DIAPH2: variants seen among roughly 807,000 people sequenced by gnomAD.
DIAPH2 encodes protein diaphanous homolog 2.
Under a neutral mutation model 92.7 loss-of-function variants are expected in DIAPH2, and 35 were observed. The observed-to-expected ratio is 0.38, with a 90% confidence interval of 0.29 to 0.50. The LOEUF is 0.50. Ranked by LOEUF, DIAPH2 falls within the 20% of genes least tolerant of loss-of-function variation. The probability of loss-of-function intolerance (pLI) is 0.94; values close to 1 mark genes in which losing one functional copy is unlikely to be tolerated. For missense variants in DIAPH2, 701 were observed against 819.5 expected, an observed-to-expected ratio of 0.86 and a Z score of 1.77; for synonymous variants, 301 against 280.4, an observed-to-expected ratio of 1.07 and a Z score of -0.73.
intron 26 of DIAPH2, among the ~76,000 whole-genome samples, chrX:97,589,084 G>T (rs2071499435): frequency 1.1e-5 from 1 of 90,344 alleles, no homozygotes; most frequent in Non-Finnish European, 2.2e-5. Context: ...TTGGGAGGCT[G>T]AGGTGGGTGG....
At chrX:96,946,233 T>A (rs2065737643) in intron 14 of DIAPH2, among the ~76,000 whole-genome samples, 1 of 111,873 alleles carries the variant, frequency 8.9e-6, no homozygotes, top group Non-Finnish European at 1.9e-5. Flanking sequence ...AAGCTTGTCT[T>A]TTCCTTGTTT....
chrX:97,552,785 A>C (rs2071229698), intron 26 of DIAPH2, among the ~76,000 whole-genome samples: 1 of 112,025 alleles, frequency 8.9e-6, no homozygotes, highest in Non-Finnish European at 1.9e-5. Flanking sequence ...TACGTGTATT[A>C]GTTTGCTAGG....
At chrX:96,718,347 T>G (rs2063966973) in intron 1 of DIAPH2, among the ~76,000 whole-genome samples, 4 of 52,793 alleles carry the variant, frequency 7.6e-5, no homozygotes, top group Non-Finnish European at 7.5e-5. Context: ...TTTTTTTTTT[T>G]TTTTTTTTTT....
intron 5 of DIAPH2, among the ~76,000 whole-genome samples, chrX:96,904,158 T>C (rs1295904925): frequency 8.9e-6 from 1 of 111,782 alleles, no homozygotes; most frequent in African/African-American, 3.2e-5. Flanking sequence ...CTTTGGTGTT[T>C]CTAAGGCAAT....
chrX:96,799,415 T>A (rs2064564292), intron 4 of DIAPH2, among the ~76,000 whole-genome samples: 1 of 112,325 alleles, frequency 8.9e-6, no homozygotes, highest in Non-Finnish European at 1.9e-5. Flanking sequence ...AATCTCTAAA[T>A]GTAGCTTTTA....
intron 22 of DIAPH2, among the ~76,000 whole-genome samples, chrX:97,185,486 T>TAC (rs2067593078): frequency 2.0e-4 from 3 of 14,743 alleles, no homozygotes; most frequent in African/African-American, 4.1e-4. Context: ...TATATATATA[T>TAC]ATATATATAT....
At chrX:97,254,955 C>T (rs921583708) in intron 23 of DIAPH2, among the ~76,000 whole-genome samples, 2 of 111,043 alleles carry the variant, frequency 1.8e-5, no homozygotes, top group South Asian at 7.6e-4. Flanking sequence ...CCACCCGCCT[C>T]AGCCTCCCAA....
chrX:97,119,955 C>T (rs1379384822), intron 21 of DIAPH2, among the ~76,000 whole-genome samples: 1 of 111,520 alleles, frequency 9.0e-6, no homozygotes, highest in Non-Finnish European at 1.9e-5. Context: ...GAGAACTTGC[C>T]CCAGGCTACC....
chrX:97,219,923 G>A (rs1438858144), intron 22 of DIAPH2, among the ~76,000 whole-genome samples: 1 of 111,906 alleles, frequency 8.9e-6, no homozygotes, highest in East Asian at 2.8e-4. Flanking sequence ...TAGAAGATTG[G>A]CAAGGACAAG....
intron 5 of DIAPH2, among the ~76,000 whole-genome samples, chrX:96,896,626 A>G (rs2065346484): frequency 8.9e-6 from 1 of 112,399 alleles, no homozygotes; most frequent in Non-Finnish European, 1.9e-5. Flanking sequence ...TAACTGTTCC[A>G]ATTAAAAAGA....
chrX:97,118,131 C>G (rs763425494), intron 21 of DIAPH2, among the ~76,000 whole-genome samples: 1 of 111,598 alleles, frequency 9.0e-6, no homozygotes, highest in East Asian at 2.8e-4. Context: ...GTGAAACTTG[C>G]TGGAAGGATA....
rs926493802 is a variant in DIAPH2, at chrX:97,192,651, A to G, written c.2719+50857A>G. On this transcript the variant is annotated intron_variant, in intron 22 of 26. Transcript: ENST00000324765. ...TATTCTGAGATTATTTCTTTTACAT[A>G]TTTTTTCATGATAAAATATCCTACT... 3.6e-5 allele frequency among the ~76,000 whole-genome samples: 4 copies of G among 111,737 alleles called. No homozygotes were observed. The Admixed American group carries it at 3.8e-4, about 11-fold the overall frequency.
chrX:96,724,116 G>A (rs192373148), intron 1 of DIAPH2, among the ~76,000 whole-genome samples: 1,257 of 108,995 alleles, frequency 0.012, 18 homozygotes, highest in African/African-American at 0.04. Context: ...AGCAGAGACG[G>A]GGTTTCACTA....
At chrX:97,025,566 G>C (rs776309595) in intron 17 of DIAPH2, among the ~76,000 whole-genome samples, 1 of 107,867 alleles carries the variant, frequency 9.3e-6, no homozygotes, top group African/African-American at 3.4e-5. Context: ...GCAGGAGAAT[G>C]GCGTGAACCC....
At chrX:96,758,367 A>G in intron 4 of DIAPH2, 109 bp downstream of exon 4, 1 of 525,259 alleles carries the variant, frequency 1.9e-6, no homozygotes, top group Non-Finnish European at 3.0e-6. Flanking sequence ...TTGTACTCAT[A>G]TAGACTGTTC....
chrX:97,348,583 CATA>C (rs2069179452), intron 24 of DIAPH2, among the ~76,000 whole-genome samples: 1 of 111,838 alleles, frequency 8.9e-6, no homozygotes, highest in South Asian at 3.7e-4. Context: ...TTTTATATAG[CATA>C]ATATTATAAT....
chrX:96,819,996 G>T (rs982408132), intron 4 of DIAPH2, among the ~76,000 whole-genome samples: 21 of 111,549 alleles, frequency 1.9e-4, no homozygotes, highest in African/African-American at 6.8e-4. Context: ...TCTCTTATTG[G>T]CATCTCCTCT....
intron 17 of DIAPH2, among the ~76,000 whole-genome samples, chrX:97,063,165 A>G (rs2066611631): frequency 8.9e-6 from 1 of 111,909 alleles, no homozygotes; most frequent in Non-Finnish European, 1.9e-5. Context: ...AAAGAAAATT[A>G]CTGCTGAAAG....
At chrX:97,585,642 C>T (rs147548003) in intron 26 of DIAPH2, among the ~76,000 whole-genome samples, 3,520 of 109,588 alleles carry the variant, frequency 0.032, 61 homozygotes, top group Admixed American at 0.045. Context: ...TTGGGTACAT[C>T]GGGCACAATG....
Sources: gnomAD v4.1 joint callset for allele counts (sites outside exome capture counted in the v4.1 genomes callset) on GRCh38, gnomAD v4.1.1 for gene constraint, MANE v1.5 for transcripts, NCBI Gene and HGNC (gene_info 2026-07-23, HGNC 2026-07-21) for gene names.